FNDC3B: variants seen among roughly 807,000 people sequenced by gnomAD.
FNDC3B encodes the protein fibronectin type III domain-containing protein 3B.
FNDC3B carries 12 observed loss-of-function variants against 151.5 expected under a neutral mutation model. The ratio of observed to expected loss-of-function variants is 0.08; its 90% CI spans 0.05 to 0.13. The LOEUF is 0.13. Among genes scored for constraint, FNDC3B ranks in the 10% least tolerant of loss-of-function variants. The pLI, the probability that FNDC3B is intolerant of heterozygous loss-of-function variation, is 1.00. For missense variants in FNDC3B, 1,214 were observed against 1,505.3 expected, an observed-to-expected ratio of 0.81 and a Z score of 3.20; for synonymous variants, 528 against 549.0, an observed-to-expected ratio of 0.96 and a Z score of 0.54.
chr3:172,067,040 C>T (rs1423324785), intron 1 of FNDC3B, among the ~76,000 whole-genome samples: 1 of 152,136 alleles, frequency 6.6e-6, no homozygotes, highest in Non-Finnish European at 1.5e-5. Context: ...GCTCTTCCTC[C>T]TTGCTTTATG....
intron 10 of FNDC3B, among the ~76,000 whole-genome samples, chr3:172,310,413 G>A (rs974308721): frequency 6.6e-6 from 1 of 152,124 alleles, no homozygotes; most frequent in African/African-American, 2.4e-5. Context: ...GCTGTATGTG[G>A]GATGTTATAA....
Position 172,230,788 on chromosome 3 carries a change from AT to A in FNDC3B, c.264+3844del, listed in dbSNP as rs988405957. ...CACTGCAATACCTTAATGTGCTAGG[AT>A]TTCTATAGTCAAAAAGACAGTAACA... On this transcript the variant is annotated intron_variant, in intron 4 of 25. Transcript: ENST00000415807. Among the ~76,000 whole-genome samples, 5 of 152,330 alleles carry A rather than the reference AT, an allele frequency of 3.3e-5. No individual in the cohort carries two copies. In the East Asian group the frequency reaches 9.6e-4, roughly 29 times the overall value.
intron 4 of FNDC3B, among the ~76,000 whole-genome samples, chr3:172,233,061 T>C (rs1726968769): frequency 6.6e-6 from 1 of 152,252 alleles, no homozygotes; most frequent in South Asian, 2.1e-4. Context: ...CTCTGTTTTT[T>C]AACCTCACCA....
At chr3:172,083,279 A>G (rs956555022) in intron 1 of FNDC3B, among the ~76,000 whole-genome samples, 1 of 152,186 alleles carries the variant, frequency 6.6e-6, no homozygotes, top group Non-Finnish European at 1.5e-5. Flanking sequence ...TGGCATGCCT[A>G]TGTTGGTTCG....
chr3:172,383,433 T>G (rs1423940694), intron 25 of FNDC3B, among the ~76,000 whole-genome samples: 3 of 152,252 alleles, frequency 2.0e-5, no homozygotes, highest in Admixed American at 6.5e-5. Context: ...ACCTAACTAC[T>G]GAAGCCTACA....
intron 3 of FNDC3B, among the ~76,000 whole-genome samples, chr3:172,163,330 A>G (rs935058308): frequency 6.6e-6 from 1 of 152,180 alleles, no homozygotes; most frequent in Non-Finnish European, 1.5e-5. Context: ...CACCCACATC[A>G]TAGAGTAGAA....
intron 25 of FNDC3B, among the ~76,000 whole-genome samples, chr3:172,394,960 C>T (rs1736201869): frequency 6.6e-6 from 1 of 152,130 alleles, no homozygotes; most frequent in South Asian, 2.1e-4. Flanking sequence ...AAATGTGATA[C>T]ATCATTAACA....
rs796333616 is a variant in FNDC3B at position 172,336,908 on chromosome 3, G to GAA, written c.1781-409_1781-408dup. Reference sequence around the variant, plus strand: ...ACAGAGCGAAACTCCATCTCAGACGGAAAAAAAAAAAAAACAAAAGAATCT... The same window carrying GAA: ...ACAGAGCGAAACTCCATCTCAGACGGAAAAAAAAAAAAAAAACAAAAGAATCT... On this transcript the variant is annotated intron_variant, in intron 15 of 25. Transcript: ENST00000415807. 2.7e-3 allele frequency among the ~76,000 whole-genome samples: 328 copies of GAA among 120,044 alleles called. 4 individuals are homozygous for GAA. Among genetic ancestry groups the GAA allele is most frequent in the African/African-American group, 7.4e-3 (244 of 32,904 alleles). The allele number at this position is 120,044 out of a possible 152,430, so 78.8% of individuals were successfully genotyped here. A position where few individuals can be genotyped will look rare whatever the true frequency, so the allele number is the denominator to read the frequency against.
At chr3:172,129,047 C>T (rs1720942677) in intron 2 of FNDC3B, among the ~76,000 whole-genome samples, 1 of 152,186 alleles carries the variant, frequency 6.6e-6, no homozygotes. Flanking sequence ...CGGTTTGCTA[C>T]AGCCTCGACC....
At chr3:172,316,699 A>G (rs1162521440) in intron 11 of FNDC3B, among the ~76,000 whole-genome samples, 1 of 152,254 alleles carries the variant, frequency 6.6e-6, no homozygotes, top group Non-Finnish European at 1.5e-5. Context: ...CAGAACAAAT[A>G]CAGGTCACCT....
chr3:172,357,049 G>A (rs115101606), intron 22 of FNDC3B, among the ~76,000 whole-genome samples: 8,813 of 152,274 alleles, frequency 0.058, 307 homozygotes, highest in African/African-American at 0.077. Flanking sequence ...TTTAAAGTGC[G>A]TTGTAGAAGG....
rs1245003575 is a variant in FNDC3B at position 172,040,458 on chromosome 3, A to G, written c.-29+687A>G. 2 of 151,722 alleles carry G rather than the reference A, an allele frequency of 1.3e-5. No individual in the cohort carries two copies. Among genetic ancestry groups the G allele is most frequent in the Non-Finnish European group, 2.9e-5 (2 of 67,980 alleles). 9.4% of individuals were successfully genotyped at this position (151,722 alleles called of 1,614,324 possible). A position where few individuals can be genotyped will look rare whatever the true frequency, so the allele number is the denominator to read the frequency against. ...GCCCCGCTGCTGGCCACCTCCGAGC[A>G]CGCCACGTCCTCCTCCCCGTCCTGC... On this transcript the variant is annotated intron_variant, in intron 1 of 25. Transcript: ENST00000415807. The surrounding 1 kb of genome is among the most constrained non-coding windows in gnomAD (Gnocchi z 6.6).
chr3:172,112,511 T>C lies in FNDC3B; in HGVS notation c.32T>C (p.Ile11Thr). 1 of 1,614,056 alleles carries C rather than the reference T, an allele frequency of 6.2e-7. No individual in the cohort carries two copies. Among genetic ancestry groups the C allele is most frequent in the Non-Finnish European group, 8.5e-7 (1 of 1,179,938 alleles). The change falls in exon 2 of 26, where the codon ATC (isoleucine) becomes ACC (threonine). Residue 11 changes from isoleucine (I) to threonine (T), a missense_variant. This residue lies in a region of FNDC3B where 113 missense variants were observed against 177.8 expected (regional missense o/e 0.64). Transcript: ENST00000415807. ...GTCACAATGATGATGACCGACCAAA[T>C]CCCTCTGGAACTGCCACCATTGCTG... is the stretch of plus-strand genomic sequence containing the variant. MYVTMMMTDQ[I>T]PLELPPLLNG...
intron 3 of FNDC3B, among the ~76,000 whole-genome samples, chr3:172,186,199 C>T (rs1363575669): frequency 2.0e-5 from 3 of 152,182 alleles, no homozygotes; most frequent in Non-Finnish European, 4.4e-5. Context: ...TCTTATGATG[C>T]TCTGCCTACT....
intron 3 of FNDC3B, among the ~76,000 whole-genome samples, chr3:172,204,050 G>A (rs1312439384): frequency 6.6e-6 from 1 of 152,212 alleles, no homozygotes; most frequent in Non-Finnish European, 1.5e-5. Flanking sequence ...TGTTTGCTGA[G>A]TGGATGGCTG....
rs375004108 is a variant in FNDC3B, at chr3:172,109,269, C to T, written c.-28-3183C>T. On this transcript the variant is annotated intron_variant, in intron 1 of 25. Transcript: ENST00000415807. ...CAAGCTCCGCCTCCCGGGTTCACGC[C>T]ATTCTCCTGCCTCAGCCTCCCAAGT... Among the ~76,000 whole-genome samples the T allele has an allele frequency of 5.2e-4, 79 of 151,538 alleles. 1 individual carries two copies. The East Asian group carries it at 8.4e-3, about 16-fold the overall frequency.
At position 172,385,618 on chromosome 3, in the gene FNDC3B, G is replaced by A. The variant is rs2108380780; in HGVS notation, c.3303+4525G>A. On this transcript the variant is annotated intron_variant, in intron 25 of 25. Coordinates refer to ENST00000415807, the MANE Select transcript of FNDC3B (RefSeq NM_022763.4). ...CTGTCGCCCAGGCTGGAGCACAGTGGCGTGATCTCGGCTCACTGCAAGGTC... is the reference window on the plus strand; with the variant it reads ...CTGTCGCCCAGGCTGGAGCACAGTGACGTGATCTCGGCTCACTGCAAGGTC... 2.0e-5 allele frequency among the ~76,000 whole-genome samples: 3 copies of A among 151,396 alleles called. No individual in the cohort carries two copies. The Middle Eastern group carries it at 0.01, about 522-fold the overall frequency.
At chr3:172,112,636 A>C in intron 2 of FNDC3B, 46 bp downstream of exon 2, 3 of 1,205,136 alleles carry the variant, frequency 2.5e-6, no homozygotes, top group Non-Finnish European at 3.7e-6. Flanking sequence ...TCTAAGTGGG[A>C]AACAGTAACA....
chr3:172,372,935 G>T (rs984490910), intron 23 of FNDC3B, among the ~76,000 whole-genome samples: 3 of 152,208 alleles, frequency 2.0e-5, no homozygotes, highest in African/African-American at 7.2e-5. Flanking sequence ...CTTAGCAGGG[G>T]TGAATGATGT....
Sources: gnomAD v4.1 joint callset for allele counts (sites outside exome capture counted in the v4.1 genomes callset) on GRCh38, gnomAD v4.1.1 for gene constraint, gnomAD v4.1.1 regional missense constraint, Gnocchi (gnomAD v3.1) non-coding constraint, MANE v1.5 for transcripts, NCBI Gene and HGNC (gene_info 2026-07-23, HGNC 2026-07-21) for gene names.